The following PCDH7 variants were observed in gnomAD, a reference collection of about 807,000 sequenced individuals.
PCDH7 encodes the protein protocadherin 7.
PCDH7 carries 17 observed loss-of-function variants against 58.9 expected under a neutral mutation model. The observed-to-expected ratio is 0.29, with a 90% CI of 0.20 to 0.43. PCDH7 has a LOEUF of 0.43. PCDH7 is among the 20% of genes least tolerant of loss of function. PCDH7 has a pLI of 1.00. For missense variants in PCDH7, 1,274 were observed against 1,441.0 expected (o/e 0.88, Z 1.88); for synonymous variants, 664 against 616.4 (o/e 1.08, Z -1.14).
At chr4:30,930,407 T>A (rs1353652540) in intron 2 of PCDH7, among the ~76,000 whole-genome samples, 2 of 152,170 alleles carry the variant, frequency 1.3e-5, no homozygotes, top group Admixed American at 1.3e-4. Flanking sequence ...AAAATGCAAG[T>A]GATATTTAAC....
intron 3 of PCDH7, among the ~76,000 whole-genome samples, chr4:30,981,536 G>A (rs568940153): frequency 1.2e-4 from 18 of 152,096 alleles, no homozygotes; most frequent in Non-Finnish European, 2.4e-4. Context: ...GCAGCCCAAG[G>A]TTGAAGCAAA....
intron 3 of PCDH7, among the ~76,000 whole-genome samples, chr4:31,028,813 A>C (rs575395947): frequency 1.3e-5 from 2 of 152,328 alleles, no homozygotes; most frequent in African/African-American, 4.8e-5. Context: ...AAAGAAGCTC[A>C]TTCTAGAATA....
intron 3 of PCDH7, among the ~76,000 whole-genome samples, chr4:31,083,757 A>G (rs1014980284): frequency 6.6e-6 from 1 of 152,184 alleles, no homozygotes; most frequent in Admixed American, 6.5e-5. Context: ...TGAGCCCTTG[A>G]CCTTGTCAAA....
intron 3 of PCDH7, among the ~76,000 whole-genome samples, chr4:30,958,423 C>G (rs963452028): frequency 2.0e-5 from 3 of 151,734 alleles, no homozygotes; most frequent in African/African-American, 7.3e-5. Flanking sequence ...TATAAGTATA[C>G]TATAATAGCA....
chr4:30,722,862 G>C lies in PCDH7; in HGVS notation c.1440G>C (p.Gln480His). 1 of 1,613,868 alleles carries C rather than the reference G, an allele frequency of 6.2e-7. No homozygotes were observed. The highest frequency in any genetic ancestry group is 8.5e-7 in the Non-Finnish European group (1 of 1,180,036). Residue 480 changes from glutamine (Q) to histidine (H), a missense_variant, in exon 1 of 2, where the codon CAG becomes CAC. By Grantham distance (24) the Gln-to-His change is conservative. This residue lies in a region of PCDH7 where 731 missense variants were observed against 881.9 expected (regional missense o/e 0.83). Transcript: ENST00000361762. The surrounding 1 kb of genome is among the most constrained non-coding windows in gnomAD (Gnocchi z 7.6). ...CAGCCAGCGACACCGAGGGCGACCAGAACAAGAAAAAGTACTTCTTGCACA... is the reference window on the plus strand; with the variant it reads ...CAGCCAGCGACACCGAGGGCGACCACAACAAGAAAAAGTACTTCTTGCACA...
chr4:31,065,848 G>A (rs929369193), intron 3 of PCDH7, among the ~76,000 whole-genome samples: 18 of 151,528 alleles, frequency 1.2e-4, no homozygotes, highest in Middle Eastern at 3.4e-3. Flanking sequence ...TTTGGAACCA[G>A]GAAAAAAAAA....
downstream of PCDH7, chr4:31,143,123 AAAC>A (rs1307294347): frequency 2.0e-4 from 33 of 165,352 alleles, 3 homozygotes; most frequent in South Asian, 9.8e-4. Flanking sequence ...AAAAAAAAAA[AAAC>A]AAAAAGAAAA....
intron 2 of PCDH7, among the ~76,000 whole-genome samples, chr4:30,931,829 T>C (rs1744643899): frequency 1.3e-5 from 2 of 151,044 alleles, no homozygotes; most frequent in Non-Finnish European, 3.0e-5. Flanking sequence ...AGGACTTTTT[T>C]TTTTTTTTTT....
chr4:31,046,683 T>C (rs550985581), intron 3 of PCDH7, among the ~76,000 whole-genome samples: 1 of 152,154 alleles, frequency 6.6e-6, no homozygotes, highest in African/African-American at 2.4e-5. Context: ...CTAAGTGACT[T>C]AGATTTAATT....
At chr4:30,745,759 T>G in intron 1 of PCDH7, among the ~76,000 whole-genome samples, 1 of 152,078 alleles carries the variant, frequency 6.6e-6, no homozygotes, top group Admixed American at 6.6e-5. Flanking sequence ...ATCAAATTAC[T>G]CAGTTTATTT....
intron 3 of PCDH7, among the ~76,000 whole-genome samples, chr4:31,103,658 C>A (rs909905095): frequency 3.3e-5 from 5 of 152,108 alleles, no homozygotes; most frequent in African/African-American, 1.2e-4. Flanking sequence ...TTGCTCTGAT[C>A]TTCCTGATTC....
intron 3 of PCDH7, among the ~76,000 whole-genome samples, chr4:30,996,078 A>C (rs1751873992): frequency 6.6e-6 from 1 of 152,192 alleles, no homozygotes; most frequent in Non-Finnish European, 1.5e-5. Context: ...ATCGAATTAA[A>C]TATATAAAAA....
At chr4:30,851,146 A>T (rs1289101781) in intron 1 of PCDH7, among the ~76,000 whole-genome samples, 1 of 151,104 alleles carries the variant, frequency 6.6e-6, no homozygotes, top group Admixed American at 6.6e-5. Context: ...CAGAAAGTAA[A>T]TGTGTGTGTC....
At chr4:30,748,758 C>G (rs772968400) in intron 1 of PCDH7, among the ~76,000 whole-genome samples, 12 of 152,074 alleles carry the variant, frequency 7.9e-5, no homozygotes, top group Non-Finnish European at 1.8e-4. Context: ...ATTGGCCATT[C>G]AGGGGTGTTG....
At chr4:30,867,208 C>T (rs1024646816) in intron 1 of PCDH7, among the ~76,000 whole-genome samples, 1 of 151,936 alleles carries the variant, frequency 6.6e-6, no homozygotes, top group Non-Finnish European at 1.5e-5. Context: ...CTGGTTTGAA[C>T]TTTTAGTTCT....
intron 1 of PCDH7, among the ~76,000 whole-genome samples, chr4:30,822,410 G>A (rs1287366626): frequency 6.6e-6 from 1 of 152,130 alleles, no homozygotes; most frequent in East Asian, 1.9e-4. Context: ...GCATTAAACA[G>A]CGACAGCCTG....
chr4:30,778,859 G>A (rs1034459557), intron 1 of PCDH7, among the ~76,000 whole-genome samples: 3 of 152,038 alleles, frequency 2.0e-5, no homozygotes, highest in Non-Finnish European at 4.4e-5. Context: ...ATAAAGAGCC[G>A]AATTGAGAGT....
chr4:30,820,032 T>C (rs984869679), intron 1 of PCDH7, among the ~76,000 whole-genome samples: 2 of 152,084 alleles, frequency 1.3e-5, no homozygotes, highest in Non-Finnish European at 1.5e-5. Flanking sequence ...AAAATGCTAA[T>C]AGGTCAAGAT....
intron 1 of PCDH7, among the ~76,000 whole-genome samples, chr4:30,905,118 C>T (rs1016906168): frequency 1.3e-5 from 2 of 152,114 alleles, no homozygotes; most frequent in African/African-American, 2.4e-5. Flanking sequence ...TTAACATGCA[C>T]GTTTCATTTT....
Sources: allele counts gnomAD v4.1 joint callset (sites outside exome capture counted in the v4.1 genomes callset), GRCh38; gene constraint gnomAD v4.1.1; regional missense constraint gnomAD v4.1.1; non-coding constraint Gnocchi (gnomAD v3.1); transcripts MANE v1.5; gene names NCBI Gene and HGNC (gene_info 2026-07-23, HGNC 2026-07-21).